Variants in CNTN5 observed in about 807,000 individuals in gnomAD.
CNTN5 encodes contactin-5.
In CNTN5, 77 loss-of-function variants were observed where a neutral mutation model predicts 129.1. That is an observed-to-expected ratio of 0.60 (90% CI 0.50 to 0.72). CNTN5 has a LOEUF of 0.72. Ranked by LOEUF, CNTN5 falls within the 30% of genes least tolerant of loss-of-function variation. The pLI, the probability that CNTN5 is intolerant of heterozygous loss-of-function variation, is 0.00. For missense variants in CNTN5, 1,478 were observed against 1,328.8 expected, an observed-to-expected ratio of 1.11 and a Z score of -1.75; for synonymous variants, 509 against 465.6, an observed-to-expected ratio of 1.09 and a Z score of -1.20.
chr11:100,125,010 C>T (rs1946138533), intron 13 of CNTN5, among the ~76,000 whole-genome samples: 1 of 152,016 alleles, frequency 6.6e-6, no homozygotes, highest in South Asian at 2.1e-4. Flanking sequence ...GGGGCGAGGC[C>T]TGGAAATTTG....
chr11:100,014,508 G>T (rs1940715586), intron 9 of CNTN5, among the ~76,000 whole-genome samples: 1 of 152,114 alleles, frequency 6.6e-6, no homozygotes, highest in Admixed American at 6.6e-5. Flanking sequence ...TTGAACCTGG[G>T]AGGCGGAGGT....
At chr11:99,900,085 A>G (rs1052765484) in intron 6 of CNTN5, among the ~76,000 whole-genome samples, 1 of 151,146 alleles carries the variant, frequency 6.6e-6, no homozygotes, top group African/African-American at 2.4e-5. Flanking sequence ...GATTCTACTT[A>G]TTTGAGTCTT....
chr11:99,957,555 C>T (rs922732142), intron 8 of CNTN5, among the ~76,000 whole-genome samples: 5 of 152,050 alleles, frequency 3.3e-5, no homozygotes, highest in Admixed American at 3.3e-4. Context: ...AAAGTATCTT[C>T]AAATTTAAAC....
At chr11:99,205,862 T>G (rs950817859) in intron 1 of CNTN5, among the ~76,000 whole-genome samples, 1 of 152,166 alleles carries the variant, frequency 6.6e-6, no homozygotes, top group Non-Finnish European at 1.5e-5. Flanking sequence ...CATTGGAGGA[T>G]TACAGGATTT....
chr11:100,321,872 C>T (rs1238665729), intron 21 of CNTN5, among the ~76,000 whole-genome samples: 1 of 152,030 alleles, frequency 6.6e-6, no homozygotes, highest in Non-Finnish European at 1.5e-5. Flanking sequence ...AATATTAAAC[C>T]ATCCTTACAT....
At chr11:99,561,334 G>A (rs1948836311) in intron 3 of CNTN5, among the ~76,000 whole-genome samples, 1 of 151,806 alleles carries the variant, frequency 6.6e-6, no homozygotes, top group Non-Finnish European at 1.5e-5. Flanking sequence ...TAAATATTGG[G>A]TTATAGTCCA....
chr11:100,020,266 T>C (rs189457274), intron 9 of CNTN5, among the ~76,000 whole-genome samples: 2 of 152,170 alleles, frequency 1.3e-5, no homozygotes, highest in African/African-American at 2.4e-5. Flanking sequence ...CAGTTTTAGG[T>C]CTTACATTTA....
intron 1 of CNTN5, among the ~76,000 whole-genome samples, chr11:99,250,464 G>T (rs1477956425): frequency 6.6e-6 from 1 of 151,860 alleles, no homozygotes; most frequent in East Asian, 1.9e-4. Flanking sequence ...ATATCATTGG[G>T]AAAGCCTCTT....
At chr11:99,237,303 G>A (rs1279662555) in intron 1 of CNTN5, among the ~76,000 whole-genome samples, 1 of 152,046 alleles carries the variant, frequency 6.6e-6, no homozygotes, top group Non-Finnish European at 1.5e-5. Flanking sequence ...TTGCAAGATA[G>A]GAATCCTTTA....
intron 3 of CNTN5, among the ~76,000 whole-genome samples, chr11:99,608,201 TA>T (rs1478833876): frequency 6.6e-6 from 1 of 152,074 alleles, no homozygotes; most frequent in Non-Finnish European, 1.5e-5. Flanking sequence ...TAATTTTCAA[TA>T]AAATGTTTAA....
chr11:99,925,858 A>G (rs1950049843), intron 7 of CNTN5, among the ~76,000 whole-genome samples: 2 of 152,100 alleles, frequency 1.3e-5, no homozygotes, highest in South Asian at 4.1e-4. Flanking sequence ...AGGTAGTCCC[A>G]AGAACACTAT....
intron 15 of CNTN5, among the ~76,000 whole-genome samples, chr11:100,222,860 C>T (rs550195475): frequency 6.6e-6 from 1 of 152,028 alleles, no homozygotes; most frequent in African/African-American, 2.4e-5. Context: ...CTAAGAAATC[C>T]AGAGAGAAAG....
At chr11:99,973,175 C>T (rs1780437091) in intron 8 of CNTN5, among the ~76,000 whole-genome samples, 2 of 152,070 alleles carry the variant, frequency 1.3e-5, no homozygotes, top group South Asian at 4.2e-4. Flanking sequence ...GCAGGTAATT[C>T]TGACAAGCAT....
intron 1 of CNTN5, among the ~76,000 whole-genome samples, chr11:99,194,530 G>A (rs1461680): frequency 0.49 from 75,233 of 152,022 alleles, 18,666 homozygotes; most frequent in East Asian, 0.6. Flanking sequence ...ACCTAGATCT[G>A]GAAAGTAAGC....
chr11:99,932,545 T>C (rs916830862), intron 7 of CNTN5, among the ~76,000 whole-genome samples: 1 of 152,196 alleles, frequency 6.6e-6, no homozygotes, highest in African/African-American at 2.4e-5. Context: ...AGTATATGTA[T>C]ACATATTTCT....
intron 3 of CNTN5, among the ~76,000 whole-genome samples, chr11:99,790,776 A>G (rs185964259): frequency 6.6e-6 from 1 of 152,256 alleles, no homozygotes; most frequent in African/African-American, 2.4e-5. Context: ...GAACTAAGTT[A>G]CATTCCCACT....
At chr11:99,859,901 T>G (rs1489882100) in intron 6 of CNTN5, among the ~76,000 whole-genome samples, 1 of 152,180 alleles carries the variant, frequency 6.6e-6, no homozygotes, top group Non-Finnish European at 1.5e-5. Context: ...TAATTCTAAG[T>G]TCTTTGAGAA....
At chr11:99,225,383 T>A (rs1169508650) in intron 1 of CNTN5, among the ~76,000 whole-genome samples, 1 of 152,182 alleles carries the variant, frequency 6.6e-6, no homozygotes, top group Non-Finnish European at 1.5e-5. Flanking sequence ...GGCCTTTTTC[T>A]GTTTGTTTCC....
intron 13 of CNTN5, among the ~76,000 whole-genome samples, chr11:100,182,423 T>C (rs973280858): frequency 3.9e-5 from 6 of 152,060 alleles, no homozygotes; most frequent in African/African-American, 1.4e-4. Flanking sequence ...TTCATGTCTC[T>C]TCTTATAAGG....
Sources: allele counts gnomAD v4.1 joint callset (sites outside exome capture counted in the v4.1 genomes callset), GRCh38; gene constraint gnomAD v4.1.1; transcripts MANE v1.5; gene names NCBI Gene and HGNC (gene_info 2026-07-23, HGNC 2026-07-21).